Variants in ATP8B4 observed in about 807,000 individuals in gnomAD.
ATP8B4 encodes the protein probable phospholipid-transporting ATPase IM.
ATP8B4 carries 133 observed loss-of-function variants against 145.6 expected under a neutral mutation model. The observed-to-expected ratio is 0.91, with a 90% CI of 0.79 to 1.05. The LOEUF is 1.05. Ranked by LOEUF, ATP8B4 falls within the 50% of genes least tolerant of loss-of-function variation. ATP8B4 has a pLI of 0.00. For synonymous variants in ATP8B4, 507 were observed against 492.9 expected, an observed-to-expected ratio of 1.03 and a Z score of -0.38; for missense variants, 1,458 against 1,425.2, an observed-to-expected ratio of 1.02 and a Z score of -0.37.
intron 3 of ATP8B4, among the ~76,000 whole-genome samples, chr15:50,069,500 A>C (rs1284230994): frequency 6.6e-6 from 1 of 152,202 alleles, no homozygotes; most frequent in Non-Finnish European, 1.5e-5. Flanking sequence ...GCTATCTGTA[A>C]ATTTTTCTCC....
chr15:50,074,975 A>C (rs2054082967), intron 2 of ATP8B4, among the ~76,000 whole-genome samples: 1 of 152,184 alleles, frequency 6.6e-6, no homozygotes, highest in African/African-American at 2.4e-5. Flanking sequence ...GCTATGAGAA[A>C]AGAGTCAGCA....
intron 7 of ATP8B4, among the ~76,000 whole-genome samples, chr15:50,006,906 G>T (rs981947631): frequency 1.3e-5 from 2 of 152,128 alleles, no homozygotes; most frequent in Admixed American, 1.3e-4. Flanking sequence ...CCGAGTTCCG[G>T]TGGTATCAGG....
rs1345109625 is a variant in ATP8B4, at chr15:49,979,552, C to CA, written c.1034+64dup. On this transcript the variant is annotated intron_variant, in intron 12 of 27. Transcript: ENST00000284509. ...CTATTGCACTGCTGAAACTTTAAAA[C>CA]AAATAATATTGGAAACAAAGGTTTT... 4.6e-6 allele frequency: 6 copies of CA among 1,297,204 alleles called. No homozygotes were observed. In the African/African-American group the frequency reaches 8.8e-5, roughly 19 times the overall value. The allele number at this position is 1,297,204 out of a possible 1,614,324, so 80.4% of individuals were successfully genotyped here. A position where few individuals can be genotyped will look rare whatever the true frequency, so the allele number is the denominator to read the frequency against.
chr15:49,922,375 T>TA (rs1410062220), intron 17 of ATP8B4: 22 of 446,926 alleles, frequency 4.9e-5, no homozygotes, highest in South Asian at 9.7e-5. Flanking sequence ...TTGTGTTCAT[T>TA]AAAAAAAATT....
At chr15:49,932,846 C>T (rs1274841009) in intron 15 of ATP8B4, among the ~76,000 whole-genome samples, 1 of 151,972 alleles carries the variant, frequency 6.6e-6, no homozygotes, top group African/African-American at 2.4e-5. Flanking sequence ...AAACTGGACA[C>T]CCATGCCCCC....
intron 1 of ATP8B4, among the ~76,000 whole-genome samples, chr15:50,141,871 T>A (rs1005729785): frequency 2.0e-5 from 3 of 152,104 alleles, no homozygotes; most frequent in African/African-American, 4.8e-5. Flanking sequence ...ACAACATATT[T>A]CCCTGAACAC....
chr15:50,067,993 AC>A (rs1274486239), intron 3 of ATP8B4, among the ~76,000 whole-genome samples: 1 of 152,126 alleles, frequency 6.6e-6, no homozygotes, highest in African/African-American at 2.4e-5. Context: ...TGGTCTATGC[AC>A]CCCACACACA....
chr15:50,147,018 T>C (rs1440064103), intron 1 of ATP8B4, among the ~76,000 whole-genome samples: 1 of 152,200 alleles, frequency 6.6e-6, no homozygotes, highest in African/African-American at 2.4e-5. Context: ...ATGGGAGGGT[T>C]GTTTTTTGTT....
rs919284680 is a variant in ATP8B4 at position 49,984,287 on chromosome 15, A to G, written c.749-2993T>C. 2.6e-5 allele frequency among the ~76,000 whole-genome samples: 4 copies of G among 152,220 alleles called. 1 individual carries two copies. The South Asian group carries it at 8.3e-4, about 31-fold the overall frequency. ...GGTCTTTACTATTTTCTAAAACTAT[A>G]TGAAATAGTCAACCAATATTTAAGA... On this transcript the variant is annotated intron_variant, in intron 10 of 27. Transcript: ENST00000284509.
At chr15:49,947,861 C>T (rs2042715845) in intron 14 of ATP8B4, among the ~76,000 whole-genome samples, 1 of 150,372 alleles carries the variant, frequency 6.7e-6, no homozygotes, top group Non-Finnish European at 1.5e-5. Context: ...GGTTCCAAGA[C>T]TATACAGCAG....
Position 50,062,673 on chromosome 15 carries a change from C to T in ATP8B4, c.87+11454G>A, listed in dbSNP as rs558896160. On this transcript the variant is annotated intron_variant, in intron 3 of 27. Coordinates refer to ENST00000284509, the MANE Select transcript of ATP8B4 (RefSeq NM_024837.4). ...AATTTTCAGTACATAACCTATAGAA[C>T]TTCTTTTGCCAGAGAAAGATAGGCA... is the stretch of plus-strand genomic sequence containing the variant. 2.6e-5 allele frequency among the ~76,000 whole-genome samples: 4 copies of T among 152,256 alleles called. No individual in the cohort carries two copies. In the South Asian group the frequency reaches 6.2e-4, roughly 24 times the overall value.
intron 8 of ATP8B4, among the ~76,000 whole-genome samples, chr15:49,997,667 G>A (rs1007628948): frequency 6.6e-6 from 1 of 152,046 alleles, no homozygotes; most frequent in African/African-American, 2.4e-5. Flanking sequence ...GTGCAAACCC[G>A]TGAAATAACT....
intron 2 of ATP8B4, among the ~76,000 whole-genome samples, chr15:50,089,159 C>T (rs1290789487): frequency 6.6e-6 from 1 of 151,872 alleles, no homozygotes; most frequent in Non-Finnish European, 1.5e-5. Context: ...ATGTAAAACC[C>T]AAAACTATAA....
intron 1 of ATP8B4, among the ~76,000 whole-genome samples, chr15:50,165,588 T>A (rs1435171872): frequency 3.3e-5 from 5 of 151,904 alleles, no homozygotes; most frequent in African/African-American, 1.2e-4. Context: ...ACAACATGTG[T>A]GAGAAGATGA....
Position 49,859,836 on chromosome 15 carries a change from T to A in ATP8B4, c.*358A>T, listed in dbSNP as rs1467113548. 4.7e-6 allele frequency: 1 copy of A among 212,096 alleles called. No individual in the cohort carries two copies. The highest frequency in any genetic ancestry group is 2.3e-5 in the African/African-American group (1 of 43,122). 13.1% of individuals were successfully genotyped at this position (212,096 alleles called of 1,614,324 possible). A position where few individuals can be genotyped will look rare whatever the true frequency, so the allele number is the denominator to read the frequency against. On this transcript the variant is annotated 3_prime_UTR_variant, in exon 28 of 28. Coordinates refer to ENST00000284509, the MANE Select transcript of ATP8B4 (RefSeq NM_024837.4). Reference sequence around the variant, plus strand: ...TATATACCTTTAAAATGCACCCTTTTATCCGCCTGAGGATCCATTCAGTGA... The same window carrying A: ...TATATACCTTTAAAATGCACCCTTTAATCCGCCTGAGGATCCATTCAGTGA...
intron 1 of ATP8B4, among the ~76,000 whole-genome samples, chr15:50,150,270 G>A (rs1014599861): frequency 6.6e-6 from 1 of 152,090 alleles, no homozygotes; most frequent in African/African-American, 2.4e-5. Flanking sequence ...TGCAAGGTTG[G>A]GAGTTTTGCA....
intron 1 of ATP8B4, among the ~76,000 whole-genome samples, chr15:50,151,687 C>T (rs1253037953): frequency 7.2e-6 from 1 of 138,292 alleles, no homozygotes; most frequent in East Asian, 2.2e-4. Flanking sequence ...GATGTGGAGG[C>T]AGCACTGAGC....
chr15:50,027,069 A>G (rs2050061831), intron 6 of ATP8B4, among the ~76,000 whole-genome samples: 1 of 152,058 alleles, frequency 6.6e-6, no homozygotes. Context: ...TCAATGGCTG[A>G]CCTTTGCTGG....
chr15:50,045,918 A>G (rs1463902435), intron 4 of ATP8B4, among the ~76,000 whole-genome samples: 1 of 152,172 alleles, frequency 6.6e-6, no homozygotes, highest in Non-Finnish European at 1.5e-5. Context: ...TCATGGGGAG[A>G]GGTGGGGGGA....
Sources: gnomAD v4.1 joint callset for allele counts (sites outside exome capture counted in the v4.1 genomes callset) on GRCh38, gnomAD v4.1.1 for gene constraint, MANE v1.5 for transcripts, NCBI Gene and HGNC (gene_info 2026-07-23, HGNC 2026-07-21) for gene names.